Variants in STARD9 observed in about 807,000 individuals in gnomAD.
The protein encoded by STARD9 is stAR-related lipid transfer protein 9.
Under a neutral mutation model 399.8 loss-of-function variants are expected in STARD9, and 346 were observed. The ratio of observed to expected loss-of-function variants is 0.87; its 90% CI spans 0.79 to 0.95. STARD9 has a LOEUF of 0.95. Among genes scored for constraint, STARD9 ranks in the 40% least tolerant of loss-of-function variants. The pLI, the probability that STARD9 is intolerant of heterozygous loss-of-function variation, is 0.00. For synonymous variants in STARD9, 2,203 were observed against 2,143.5 expected, an observed-to-expected ratio of 1.03 and a Z score of -0.77; for missense variants, 5,832 against 5,667.5, an observed-to-expected ratio of 1.03 and a Z score of -0.93.
intron 3 of STARD9, among the ~76,000 whole-genome samples, chr15:42,589,904 C>G (rs1222911882): frequency 6.6e-6 from 1 of 150,656 alleles, no homozygotes; most frequent in Non-Finnish European, 1.5e-5. Context: ...CACACCTGGC[C>G]AAGATTCATC....
chr15:42,693,523 C>T lies in STARD9; in HGVS notation c.11945C>T (p.Pro3982Leu). The change falls in exon 23 of 33, where the codon CCA becomes CTA. Residue 3982 changes from proline (P) to leucine (L), a missense_variant. Around this residue, in one of 2 missense-constraint regions of STARD9, gnomAD observed 5,828 missense variants for 5,651.1 expected, o/e 1.03. Transcript: ENST00000290607. ...NGRSFLELHS[P>L]HSPQQSPKLQ... ...AGATCCTTCCTTGAGTTGCACTCCC[C>T]ACACAGCCCACAGCAGAGTCCAAAA... 6.5e-7 allele frequency: 1 copy of T among 1,537,252 alleles called. No homozygotes were observed. The highest frequency in any genetic ancestry group is 1.4e-5 in the African/African-American group (1 of 73,162).
intron 7 of STARD9, among the ~76,000 whole-genome samples, chr15:42,644,960 T>C (rs1300659016): frequency 6.6e-6 from 1 of 152,214 alleles, no homozygotes; most frequent in Non-Finnish European, 1.5e-5. Flanking sequence ...CCATTCAAAT[T>C]TGATCCTGAG....
rs993210702 is a variant in STARD9 at position 42,663,835 on chromosome 15, A to G, written c.1094A>G (p.His365Arg). The change falls in exon 13 of 33, where the codon CAC (histidine) becomes CGC (arginine). Residue 365 changes from histidine (H) to arginine (R), a missense_variant. Transcript: ENST00000290607. ...TCTACCTCAGCGGTGTCTCCTGCAC[A>G]CACTAGCTACAGTGAGACCATGAGC... ...TIMVATVSPAHTSYSETMSTL... is the reference protein window; with the variant it reads ...TIMVATVSPARTSYSETMSTL... The G allele has an allele frequency of 1.0e-5, 16 of 1,536,590 alleles. No individual in the cohort carries two copies. In the African/African-American group the frequency reaches 2.1e-4, roughly 20 times the overall value.
At chr15:42,586,801 A>G (rs529982887) in intron 3 of STARD9, among the ~76,000 whole-genome samples, 22 of 152,172 alleles carry the variant, frequency 1.4e-4, no homozygotes, top group Non-Finnish European at 2.8e-4. Context: ...TAAAAAGTCA[A>G]ACTATGTTTT....
rs560615706 is a variant in STARD9 at position 42,719,585 on chromosome 15, T to C, written c.*11T>C. On this transcript the variant is annotated 3_prime_UTR_variant, in exon 33 of 33. Transcript: ENST00000290607. Reference sequence around the variant, plus strand: ...TTCCTTGGTAGGTAGCATCTCACCGTCAAGATGGTGCTGCTGAGATGCAGG... The same window carrying C: ...TTCCTTGGTAGGTAGCATCTCACCGCCAAGATGGTGCTGCTGAGATGCAGG... 1.5e-5 allele frequency: 23 copies of C among 1,506,064 alleles called. No individual in the cohort carries two copies. In the Admixed American group the frequency reaches 2.9e-4, roughly 19 times the overall value. The allele number at this position is 1,506,064 out of a possible 1,614,324, so 93.3% of individuals were successfully genotyped here. A position where few individuals can be genotyped will look rare whatever the true frequency, so the allele number is the denominator to read the frequency against.
chr15:42,605,408 G>A (rs1158829719), intron 3 of STARD9, among the ~76,000 whole-genome samples: 1 of 152,128 alleles, frequency 6.6e-6, no homozygotes, highest in Admixed American at 6.6e-5. Flanking sequence ...GACCAGATGT[G>A]CCCAGGCATC....
At chr15:42,707,468 C>A (rs2061113703) in intron 26 of STARD9, among the ~76,000 whole-genome samples, 1 of 134,648 alleles carries the variant, frequency 7.4e-6, no homozygotes, top group African/African-American at 2.9e-5. Context: ...GAGTGAAAAA[C>A]TTTTTTTTTT....
intron 3 of STARD9, among the ~76,000 whole-genome samples, chr15:42,604,085 CTTAG>C (rs901705531): frequency 4.6e-5 from 7 of 152,124 alleles, no homozygotes; most frequent in Admixed American, 4.6e-4. Context: ...AAATTCCTTC[CTTAG>C]TTAGCTTGAC....
chr15:42,663,926 T>C lies in STARD9; in HGVS notation c.1176+9T>C, dbSNP rs1284550744. 3 of 1,491,144 alleles carry C rather than the reference T, an allele frequency of 2.0e-6. No homozygotes were observed. In the Admixed American group the frequency reaches 5.9e-5, roughly 29 times the overall value. 92.4% of individuals were successfully genotyped at this position (1,491,144 alleles called of 1,614,324 possible). ...AGCCACGAGTAAATGAGGTGAGACC[T>C]TTTCAGAAGTCCTGGTCTGGTATAG... On this transcript the variant is annotated intron_variant, in intron 13 of 32. Transcript: ENST00000290607.
At chr15:42,598,399 G>A (rs1246706469) in intron 3 of STARD9, among the ~76,000 whole-genome samples, 1 of 150,716 alleles carries the variant, frequency 6.6e-6, no homozygotes, top group African/African-American at 2.4e-5. Context: ...GTTAGGCTTC[G>A]AAAGGCTTTC....
chr15:42,699,758 G>A (rs566924050), intron 26 of STARD9, among the ~76,000 whole-genome samples: 86 of 151,982 alleles, frequency 5.7e-4, no homozygotes, highest in African/African-American at 2.0e-3. Context: ...CCAAGCTGGA[G>A]TGCAATGGTG....
intron 26 of STARD9, among the ~76,000 whole-genome samples, chr15:42,712,939 C>G (rs554214568): frequency 1.3e-5 from 2 of 152,324 alleles, no homozygotes; most frequent in South Asian, 4.1e-4. Context: ...CTGGGTTTCT[C>G]AGATTTCCAT....
At chr15:42,630,210 A>C (rs946820441) in intron 3 of STARD9, 3 of 151,896 alleles carry the variant, frequency 2.0e-5, no homozygotes, top group Non-Finnish European at 4.4e-5. Flanking sequence ...TCACCACGTT[A>C]GCCAGGATAG....
chr15:42,703,207 A>T (rs1566959514), intron 26 of STARD9, among the ~76,000 whole-genome samples: 1 of 151,884 alleles, frequency 6.6e-6, no homozygotes, highest in South Asian at 2.1e-4. Flanking sequence ...TTAATTGGGA[A>T]CTTTTTACCT....
chr15:42,652,271 TAAAAA>T (rs201923100), intron 8 of STARD9, among the ~76,000 whole-genome samples: 2 of 148,228 alleles, frequency 1.3e-5, no homozygotes, highest in African/African-American at 4.9e-5. Context: ...TTCTATTGCT[TAAAAA>T]AAAAAAGTTT....
At chr15:42,644,464 G>T (rs2059607117) in intron 7 of STARD9, among the ~76,000 whole-genome samples, 1 of 151,878 alleles carries the variant, frequency 6.6e-6, no homozygotes, top group South Asian at 2.1e-4. Context: ...CTGCACTCCA[G>T]CCTGGGTGAC....
chr15:42,637,480 G>T (rs1041104736), intron 4 of STARD9, among the ~76,000 whole-genome samples: 8 of 152,170 alleles, frequency 5.3e-5, no homozygotes, highest in Non-Finnish European at 1.2e-4. Context: ...CTCCCAAAGT[G>T]CTGGGATTAC....
intron 3 of STARD9, among the ~76,000 whole-genome samples, chr15:42,591,198 C>T (rs527696059): frequency 9.2e-5 from 14 of 152,252 alleles, no homozygotes; most frequent in African/African-American, 3.1e-4. Context: ...CAATAAAAAA[C>T]ATGTCCAGGC....
chr15:42,581,596 G>C (rs1183053682), intron 1 of STARD9: 7 of 749,942 alleles, frequency 9.3e-6, no homozygotes, highest in African/African-American at 3.5e-5. Flanking sequence ...CGCACTCCTC[G>C]CTCGCTTCCT....
Sources: allele counts gnomAD v4.1 joint callset (sites outside exome capture counted in the v4.1 genomes callset), GRCh38; gene constraint gnomAD v4.1.1; regional missense constraint gnomAD v4.1.1; transcripts MANE v1.5; gene names NCBI Gene and HGNC (gene_info 2026-07-23, HGNC 2026-07-21).